The following SACS variants were observed in gnomAD, a reference collection of about 807,000 sequenced individuals.
SACS encodes the protein sacsin.
Under a neutral mutation model 348.0 loss-of-function variants are expected in SACS, and 197 were observed. That is an observed-to-expected ratio of 0.57 (90% confidence interval 0.50 to 0.64). The LOEUF (loss-of-function observed/expected upper bound fraction) is 0.64, where lower values mean the gene tolerates loss of function less well. Ranked by LOEUF, SACS falls within the 30% of genes least tolerant of loss-of-function variation. SACS has a pLI of 0.00. For synonymous variants in SACS, 1,985 were observed against 1,910.6 expected (o/e 1.04, Z -1.02); for missense variants, 4,999 against 5,360.8 (o/e 0.93, Z 2.11).
At chr13:23,376,413 G>A (rs773152272) in intron 2 of SACS, among the ~76,000 whole-genome samples, 3 of 151,300 alleles carry the variant, frequency 2.0e-5, no homozygotes, top group Non-Finnish European at 4.4e-5. Context: ...CATCTATTAA[G>A]GCAATTCAAA....
intron 4 of SACS, 105 bp from the exon 5 acceptor site, chr13:23,368,592 T>C (rs780038034): frequency 1.5e-5 from 12 of 802,280 alleles, no homozygotes; most frequent in Non-Finnish European, 2.3e-5. Context: ...CAAGTTATGG[T>C]TGCATATATC....
chr13:23,333,350 T>C lies in SACS; in HGVS notation c.10526A>G (p.Glu3509Gly). 1 of 1,597,840 alleles carries C rather than the reference T, an allele frequency of 6.3e-7. No individual in the cohort carries two copies. The highest frequency in any genetic ancestry group is 1.2e-5 in the South Asian group (1 of 86,942). Residue 3509 changes from glutamate to glycine, a missense_variant, in exon 10 of 10, where the codon GAA becomes GGA. This residue lies in a region of SACS where 734 missense variants were observed against 694.0 expected (regional missense o/e 1.06). Transcript: ENST00000382292. ...YLKNRLSSAE[E>G]LSEIKEQLFE... ...AAGTTGTTCCTTAATCTCTGATAAT[T>C]CCTCAGCACTTGATAATCTATTCTT... is the stretch of plus-strand genomic sequence containing the variant.
intron 2 of SACS, among the ~76,000 whole-genome samples, chr13:23,376,487 T>G (rs1247775058): frequency 6.6e-6 from 1 of 152,134 alleles, no homozygotes; most frequent in Non-Finnish European, 1.5e-5. Flanking sequence ...TGGAACAGAA[T>G]TAAATTTTAG....
At chr13:23,418,498 T>C (rs913791539) in intron 1 of SACS, among the ~76,000 whole-genome samples, 2 of 145,988 alleles carry the variant, frequency 1.4e-5, no homozygotes, top group Non-Finnish European at 3.0e-5. Flanking sequence ...AGTGCTTCAG[T>C]ATAGCACCCA....
intron 2 of SACS, among the ~76,000 whole-genome samples, chr13:23,402,465 C>G (rs1372553106): frequency 6.6e-6 from 1 of 152,154 alleles, no homozygotes; most frequent in Non-Finnish European, 1.5e-5. Context: ...GCCTTCCCAC[C>G]TAATCCCTCC....
At chr13:23,401,815 C>G (rs1446094404) in intron 2 of SACS, among the ~76,000 whole-genome samples, 1 of 152,224 alleles carries the variant, frequency 6.6e-6, no homozygotes, top group Non-Finnish European at 1.5e-5. Context: ...ATGGAAAGAA[C>G]TAAGCCAGGT....
In SACS at chr13:23,336,757, C is replaced by G; in HGVS notation, c.7119G>C (p.Gln2373His). ...AATTATTTTTATACTTATTAGGCAA[C>G]TGATAAAGGTATGGTGCCGCCTCAA... is the stretch of plus-strand genomic sequence containing the variant. The part of the protein sequence containing the change: ...LNFEAAPYLY[Q>H]LPNKYKNNFR... Residue 2373 changes from glutamine to histidine, a missense_variant, in exon 10 of 10, where the codon CAG becomes CAC. By Grantham distance (24) the Gln-to-His change is conservative. Around this residue, in one of 6 missense-constraint regions of SACS, gnomAD observed 3,156 missense variants for 3,380.1 expected, o/e 0.93. Transcript: ENST00000382292. 2 of 1,613,884 alleles carry G rather than the reference C, an allele frequency of 1.2e-6. No individual in the cohort carries two copies. Among genetic ancestry groups the G allele is most frequent in the Non-Finnish European group, 1.7e-6 (2 of 1,179,868 alleles).
At position 23,333,345 on chromosome 13, in the gene SACS, A is replaced by T. The variant is rs760703347; in HGVS notation, c.10531T>A (p.Ser3511Thr). ...KNRLSSAEEL[S>T]EIKEQLFEKL... The stretch of plus-strand genomic sequence containing the variant: ...TCAAAAAGTTGTTCCTTAATCTCTG[A>T]TAATTCCTCAGCACTTGATAATCTA... The change falls in exon 10 of 10, where the codon TCA becomes ACA. Residue 3511 changes from serine to threonine, a missense_variant. Ser to Thr is a moderately conservative substitution (Grantham distance 58). Coordinates refer to ENST00000382292, the MANE Select transcript of SACS (RefSeq NM_014363.6). The T allele has an allele frequency of 6.3e-7, 1 of 1,599,986 alleles. No homozygotes were observed. The highest frequency in any genetic ancestry group is 1.4e-5 in the African/African-American group (1 of 74,046).
intron 2 of SACS, chr13:23,375,651 T>TC: frequency 3.0e-6 from 2 of 677,852 alleles, no homozygotes; most frequent in Non-Finnish European, 3.4e-6. Context: ...GCCCCGCCCC[T>TC]CCCGCCAGGC....
chr13:23,397,376 G>A (rs1258004629), intron 2 of SACS, among the ~76,000 whole-genome samples: 1 of 150,746 alleles, frequency 6.6e-6, no homozygotes, highest in African/African-American at 2.4e-5. Context: ...AAAGGTTTGT[G>A]AGAAATATTG....
At chr13:23,407,834 C>T (rs1012197654) in intron 2 of SACS, among the ~76,000 whole-genome samples, 4 of 152,166 alleles carry the variant, frequency 2.6e-5, no homozygotes, top group African/African-American at 9.7e-5. Context: ...CCCCTGACTC[C>T]GGCTATCTGA....
chr13:23,381,582 G>T (rs1358616891), intron 2 of SACS, among the ~76,000 whole-genome samples: 1 of 152,132 alleles, frequency 6.6e-6, no homozygotes, highest in African/African-American at 2.4e-5. Flanking sequence ...AGTCACTTGA[G>T]TTCTGCCCTT....
chr13:23,404,822 G>T (rs918311991), intron 2 of SACS, among the ~76,000 whole-genome samples: 1 of 152,060 alleles, frequency 6.6e-6, no homozygotes, highest in African/African-American at 2.4e-5. Context: ...GCTACAAAAA[G>T]AATAAAATAC....
chr13:23,372,537 T>C (rs1430067413), intron 3 of SACS, among the ~76,000 whole-genome samples: 2 of 152,138 alleles, frequency 1.3e-5, no homozygotes, highest in African/African-American at 2.4e-5. Context: ...ATACTAGAAA[T>C]AGGAAATCAG....
Position 23,339,191 on chromosome 13 carries a change from G to GA in SACS, c.4684dup (p.Ser1562PhefsTer7), listed in dbSNP as rs1275667662. ...GGGAATGTCAGTGATATGGTACACA[G>GA]AATTAAATCCAAGACCAAATTTTCC... On this transcript the variant is annotated frameshift_variant, in exon 10 of 10. Coordinates refer to ENST00000382292, the MANE Select transcript of SACS (RefSeq NM_014363.6). LOFTEE classifies it high-confidence loss of function. The GA allele has an allele frequency of 6.2e-7, 1 of 1,612,720 alleles. No individual in the cohort carries two copies. The highest frequency in any genetic ancestry group is 8.5e-7 in the Non-Finnish European group (1 of 1,179,358).
intron 1 of SACS, among the ~76,000 whole-genome samples, chr13:23,420,515 T>C (rs1054907517): frequency 6.6e-6 from 1 of 151,998 alleles, no homozygotes; most frequent in African/African-American, 2.4e-5. Flanking sequence ...TAGAATCCAG[T>C]GTGTACCTTG....
intron 6 of SACS, among the ~76,000 whole-genome samples, chr13:23,360,054 C>T (rs1411346802): frequency 6.6e-6 from 1 of 152,162 alleles, no homozygotes; most frequent in Non-Finnish European, 1.5e-5. Context: ...CACAGCACTT[C>T]CAGAAACTAA....
At chr13:23,348,646 G>C (rs1196021977) in intron 9 of SACS, among the ~76,000 whole-genome samples, 1 of 152,202 alleles carries the variant, frequency 6.6e-6, no homozygotes, top group African/African-American at 2.4e-5. Flanking sequence ...GCAGGGCAGG[G>C]GTGAGGCACA....
chr13:23,399,689 T>C (rs1376367444), intron 2 of SACS, among the ~76,000 whole-genome samples: 2 of 152,030 alleles, frequency 1.3e-5, no homozygotes, highest in Non-Finnish European at 2.9e-5. Flanking sequence ...GAAGTGTGAG[T>C]GGCACCCTTC....
Sources: gnomAD v4.1 joint callset for allele counts (sites outside exome capture counted in the v4.1 genomes callset) on GRCh38, gnomAD v4.1.1 for gene constraint, gnomAD v4.1.1 regional missense constraint, MANE v1.5 for transcripts, NCBI Gene and HGNC (gene_info 2026-07-23, HGNC 2026-07-21) for gene names.